The following ZNF503 variants were observed in gnomAD, a reference collection of about 807,000 sequenced individuals.
The protein encoded by ZNF503 is zinc finger protein 503, also known as NocA-like zinc finger 2.
Under a neutral mutation model 34.4 loss-of-function variants are expected in ZNF503, and 15 were observed. That is an observed-to-expected ratio of 0.44 (90% CI 0.29 to 0.67). ZNF503 has a LOEUF of 0.67. Ranked by LOEUF, ZNF503 falls within the 30% of genes least tolerant of loss-of-function variation. ZNF503 has a pLI of 0.13. For synonymous variants in ZNF503, 580 were observed against 456.8 expected, an observed-to-expected ratio of 1.27 and a Z score of -3.44; for missense variants, 1,007 against 926.8, an observed-to-expected ratio of 1.09 and a Z score of -1.12.
the ZNF503 span, among the ~76,000 whole-genome samples, chr10:75,295,151 C>G: frequency 0.013 from 1,977 of 151,886 alleles, 47 homozygotes; most frequent in African/African-American, 0.045. This position sits in a 1 kb window ranked among gnomAD's most constrained non-coding sequence, Gnocchi z 4.0. Context: ...CCCTTCCTGT[C>G]ACGCCGGGCC....
the ZNF503 span, chr10:75,283,398 A>G: frequency 6.6e-6 from 1 of 152,286 alleles, no homozygotes; most frequent in Admixed American, 6.5e-5. Context: ...AAGAGAAGAG[A>G]AGCATTTCCT....
At chr10:75,315,884 G>A in the ZNF503 span, among the ~76,000 whole-genome samples, 15 of 152,170 alleles carry the variant, frequency 9.9e-5, no homozygotes, top group Non-Finnish European at 1.9e-4. Context: ...TGAAAGTGAA[G>A]GGATGAAAAA....
At chr10:75,359,127 A>G in the ZNF503 span, 1 of 152,270 alleles carries the variant, frequency 6.6e-6, no homozygotes, top group Non-Finnish European at 1.5e-5. Context: ...CCAACACTGC[A>G]GAGTGGTTAC....
At chr10:75,380,949 G>A in the ZNF503 span, among the ~76,000 whole-genome samples, 1 of 152,076 alleles carries the variant, frequency 6.6e-6, no homozygotes, top group East Asian at 1.9e-4. Flanking sequence ...TGGCATTCGC[G>A]GGAATTATTC....
the ZNF503 span, among the ~76,000 whole-genome samples, chr10:75,317,821 C>A: frequency 6.6e-6 from 1 of 152,056 alleles, no homozygotes; most frequent in South Asian, 2.1e-4. Context: ...CATGGTGAAA[C>A]CCCATCTCTA....
chr10:75,399,224 C>A lies in ZNF503; in HGVS notation c.1466G>T (p.Gly489Val). The change falls in exon 2 of 2, where the codon GGC (glycine) becomes GTC (valine). Residue 489 changes from glycine to valine, a missense_variant. Coordinates refer to ENST00000372524, the MANE Select transcript of ZNF503 (RefSeq NM_032772.6). ...GCCGGCCAGGGAGGGCGGTGTGGCG[C>A]CAGCAGCCGCGGCGGCCGTTAGCGA... ...HSSLTAAAAA[G>V]ATPPSLAGHP... The A allele has an allele frequency of 6.3e-7, 1 of 1,591,244 alleles. No individual in the cohort carries two copies. The highest frequency in any genetic ancestry group is 1.1e-5 in the South Asian group (1 of 87,844).
At chr10:75,331,071 G>T in the ZNF503 span, among the ~76,000 whole-genome samples, 1 of 152,022 alleles carries the variant, frequency 6.6e-6, no homozygotes, top group East Asian at 1.9e-4. Context: ...TTTCTTCATT[G>T]ACCTATGTTG....
chr10:75,330,717 T>C, the ZNF503 span, among the ~76,000 whole-genome samples: 5 of 152,176 alleles, frequency 3.3e-5, no homozygotes, highest in African/African-American at 1.2e-4. Context: ...TTTGATTTTA[T>C]TTATTTGAAT....
the ZNF503 span, among the ~76,000 whole-genome samples, chr10:75,336,908 C>T: frequency 6.6e-6 from 1 of 152,242 alleles, no homozygotes; most frequent in South Asian, 2.1e-4. Flanking sequence ...ATTCTCCTGC[C>T]TTATTTTTCT....
chr10:75,311,332 A>G, the ZNF503 span, among the ~76,000 whole-genome samples: 2 of 152,256 alleles, frequency 1.3e-5, no homozygotes, highest in African/African-American at 4.8e-5. Flanking sequence ...TTCCCACTCC[A>G]CTGACTCAAA....
chr10:75,312,559 G>A, the ZNF503 span, among the ~76,000 whole-genome samples: 2 of 152,100 alleles, frequency 1.3e-5, no homozygotes, highest in African/African-American at 2.4e-5. Flanking sequence ...GCCTAAAAAA[G>A]TTTGAAAAGA....
At chr10:75,389,003 T>C in the ZNF503 span, among the ~76,000 whole-genome samples, 1 of 152,180 alleles carries the variant, frequency 6.6e-6, no homozygotes, top group Non-Finnish European at 1.5e-5. Flanking sequence ...AAAAAAAGGT[T>C]GAGGTTTCTG....
chr10:75,311,662 A>G, the ZNF503 span, among the ~76,000 whole-genome samples: 3,321 of 129,950 alleles, frequency 0.026, 136 homozygotes, highest in African/African-American at 0.092. Flanking sequence ...TATCTCTACT[A>G]AAAATACCAA....
chr10:75,377,569 G>A, the ZNF503 span, among the ~76,000 whole-genome samples: 6 of 152,278 alleles, frequency 3.9e-5, no homozygotes, highest in African/African-American at 1.4e-4. Flanking sequence ...AAGCCGAGGT[G>A]GGGTCTTTTT....
At chr10:75,390,323 C>T in the ZNF503 span, among the ~76,000 whole-genome samples, 1 of 151,176 alleles carries the variant, frequency 6.6e-6, no homozygotes, top group Admixed American at 6.6e-5. Context: ...TATAATTCTT[C>T]TTCCTCTTCC....
Position 75,399,065 on chromosome 10 carries a change from T to G in ZNF503, c.1625A>C (p.His542Pro). 6.2e-7 allele frequency: 1 copy of G among 1,613,386 alleles called. No individual in the cohort carries two copies. Among genetic ancestry groups the G allele is most frequent in the Non-Finnish European group, 8.5e-7 (1 of 1,179,826 alleles). The change falls in exon 2 of 2, where the codon CAT (histidine) becomes CCT (proline). Residue 542 changes from histidine (H) to proline (P), a missense_variant. His to Pro is a moderately conservative substitution (Grantham distance 77, BLOSUM62 -2). Transcript: ENST00000372524. ...TTTGTCTGTCCCGGGAAATGCCGTA[T>G]GGGTCCGCAAGTGGCTCAGCAGCTC... ...SEELLSHLRT[H>P]TAFPGTDKLL...
At chr10:75,359,803 T>C in the ZNF503 span, among the ~76,000 whole-genome samples, 1 of 152,142 alleles carries the variant, frequency 6.6e-6, no homozygotes, top group Non-Finnish European at 1.5e-5. Context: ...CTTTTTCCCC[T>C]GGGACTGGCC....
the ZNF503 span, among the ~76,000 whole-genome samples, chr10:75,313,593 A>G: frequency 0.76 from 115,478 of 152,184 alleles, 44,507 homozygotes; most frequent in African/African-American, 0.86. Context: ...ACTAAACACT[A>G]TGGACCTTGT....
chr10:75,367,246 A>T, the ZNF503 span, among the ~76,000 whole-genome samples: 1 of 152,006 alleles, frequency 6.6e-6, no homozygotes, highest in African/African-American at 2.4e-5. Context: ...GTAGCCTGTG[A>T]TGAGACCTCC....
Sources: gnomAD v4.1 joint callset for allele counts (sites outside exome capture counted in the v4.1 genomes callset) on GRCh38, gnomAD v4.1.1 for gene constraint, Gnocchi (gnomAD v3.1) non-coding constraint, MANE v1.5 for transcripts, NCBI Gene and HGNC (gene_info 2026-07-23, HGNC 2026-07-21) for gene names.